The following PUDP variants were observed in gnomAD, a reference collection of about 807,000 sequenced individuals.
The protein encoded by PUDP is pseudouridine 5'-phosphatase.
PUDP carries 8 observed loss-of-function variants against 9.4 expected under a neutral mutation model. That is an observed-to-expected ratio of 0.85 (90% confidence interval 0.50 to 1.53). The LOEUF (loss-of-function observed/expected upper bound fraction) is 1.53. Ranked by LOEUF, PUDP falls within the 40% of genes most tolerant of loss-of-function variation. The pLI, the probability that PUDP is intolerant of heterozygous loss-of-function variation, is 0.00. For synonymous variants in PUDP, 99 were observed against 80.7 expected, an observed-to-expected ratio of 1.23 and a Z score of -1.22; for missense variants, 188 against 189.7, an observed-to-expected ratio of 0.99 and a Z score of 0.05.
intron 3 of PUDP, among the ~76,000 whole-genome samples, chrX:6,941,548 T>C (rs1928400195): frequency 9.1e-6 from 1 of 109,771 alleles, no homozygotes; most frequent in Admixed American, 9.8e-5. Context: ...AGGCTGGTCT[T>C]GAACTCTTCA....
intron 3 of PUDP, among the ~76,000 whole-genome samples, chrX:6,848,123 C>T (rs980174410): frequency 1.8e-5 from 2 of 111,779 alleles, no homozygotes; most frequent in African/African-American, 6.5e-5. Context: ...ACAATTAATC[C>T]TTACCTAGTT....
At chrX:6,976,654 C>T (rs1367426929) in intron 3 of PUDP, among the ~76,000 whole-genome samples, 2 of 111,953 alleles carry the variant, frequency 1.8e-5, no homozygotes, top group Admixed American at 9.5e-5. Flanking sequence ...TCAGTCATCT[C>T]GCCAGCCACC....
At chrX:6,792,663 T>C (rs1205012572) in intron 3 of PUDP, among the ~76,000 whole-genome samples, 1 of 112,046 alleles carries the variant, frequency 8.9e-6, no homozygotes, top group Non-Finnish European at 1.9e-5. Context: ...CAATTATACT[T>C]CTATACAACT....
In PUDP at chrX:7,050,407, G is replaced by A; in HGVS notation, c.576C>T (p.Val192=). The A allele has an allele frequency of 8.3e-7, 1 of 1,211,180 alleles. No homozygotes were observed. The highest frequency in any genetic ancestry group is 1.1e-6 in the Non-Finnish European group (1 of 894,949). The change falls in exon 4 of 4, where the codon GTC becomes GTT. Residue 192 remains valine, a synonymous_variant. Transcript: ENST00000381077. The part of the protein sequence containing the change: ...EAALAAGMQV[V]MVPDGNLSRD... ...GGCTCAAGTTTCCGTCAGGAACCAT[G>A]ACCACCTGCATCCCAGCTGCCAGGG...
chrX:6,889,415 A>T (rs1414103823), intron 3 of PUDP, among the ~76,000 whole-genome samples: 1 of 111,159 alleles, frequency 9.0e-6, no homozygotes, highest in Non-Finnish European at 1.9e-5. Context: ...CCATCCTCCC[A>T]CCTCAGCCTC....
intron 3 of PUDP, among the ~76,000 whole-genome samples, chrX:6,950,329 C>T (rs1384435529): frequency 2.5e-5 from 2 of 78,918 alleles, no homozygotes; most frequent in Admixed American, 1.7e-4. Context: ...CAGAGCAAAG[C>T]TCTGTCTCAA....
rs1930514717 is a variant in PUDP, at chrX:7,065,171, AC to A, written c.510+12048del. ...TGCCCCCAAACCAAAAAAAGAAAAA[AC>A]AAAAAACAAAAAACAAACTCGGGCT... is the stretch of plus-strand genomic sequence containing the variant. On this transcript the variant is annotated intron_variant, in intron 3 of 3. Coordinates refer to ENST00000381077, the MANE Select transcript of PUDP (RefSeq NM_012080.5). 2.7e-5 allele frequency among the ~76,000 whole-genome samples: 3 copies of A among 111,427 alleles called. No homozygotes were observed. In the South Asian group the frequency reaches 1.1e-3, roughly 42 times the overall value.
intron 3 of PUDP, among the ~76,000 whole-genome samples, chrX:6,771,686 C>CG (rs1925366225): frequency 8.9e-6 from 1 of 112,183 alleles, no homozygotes; most frequent in Admixed American, 9.4e-5. Flanking sequence ...TTAAACTCTC[C>CG]GGATCATGAA....
intron 3 of PUDP, among the ~76,000 whole-genome samples, chrX:7,058,010 T>A (rs1420953908): frequency 9.0e-6 from 1 of 111,036 alleles, no homozygotes; most frequent in African/African-American, 3.3e-5. Flanking sequence ...CCGTGGCACT[T>A]GCCCACCATT....
intron 3 of PUDP, among the ~76,000 whole-genome samples, chrX:6,854,586 G>A (rs759750616): frequency 1.3e-4 from 15 of 112,023 alleles, no homozygotes; most frequent in African/African-American, 4.9e-4. Flanking sequence ...TTGACCAGAA[G>A]CCTTACTGAT....
intron 3 of PUDP, among the ~76,000 whole-genome samples, chrX:6,811,434 C>A (rs926025706): frequency 9.0e-6 from 1 of 110,576 alleles, no homozygotes; most frequent in Non-Finnish European, 1.9e-5. Context: ...CATGCCTCAG[C>A]CTCCCCAGTA....
chrX:6,916,191 TACACACACACAC>T (rs747162229), intron 3 of PUDP, among the ~76,000 whole-genome samples: 3,480 of 69,773 alleles, frequency 0.05, 98 homozygotes, highest in African/African-American at 0.072. Flanking sequence ...ATGCTTTTTC[TACACACACACAC>T]ACACACACAC....
intron 1 of PUDP, among the ~76,000 whole-genome samples, chrX:7,146,409 G>A (rs1225107292): frequency 4.5e-5 from 5 of 111,745 alleles, no homozygotes; most frequent in African/African-American, 1.6e-4. Context: ...ACCTTTATTA[G>A]AGGATAAGAA....
At chrX:7,094,318 A>C (rs1931506540) in intron 2 of PUDP, among the ~76,000 whole-genome samples, 1 of 110,036 alleles carries the variant, frequency 9.1e-6, no homozygotes, top group Non-Finnish European at 1.9e-5. Flanking sequence ...TTCAGAAAAG[A>C]GGAATAATGT....
intron 3 of PUDP, among the ~76,000 whole-genome samples, chrX:6,921,043 C>T (rs1295746984): frequency 9.0e-6 from 1 of 110,653 alleles, no homozygotes; most frequent in African/African-American, 3.3e-5. Flanking sequence ...TAGCATATCT[C>T]TCCCACCTCC....
In PUDP at chrX:7,004,607, G is replaced by A. The variant is rs911069818; in HGVS notation, c.205-26264C>T. Among the ~76,000 whole-genome samples the A allele has an allele frequency of 1.5e-3, 173 of 112,183 alleles. 1 individual carries two copies. The highest frequency in any genetic ancestry group is 5.3e-3 in the African/African-American group (163 of 30,833). On this transcript the variant is annotated intron_variant and NMD_transcript_variant, in intron 1 of 3. Transcript: ENST00000655425. ...CTTTTATTCCTTTAAATGACCATAT[G>A]TTTAGATCTGATGTACTGACAGCGA... is the stretch of plus-strand genomic sequence containing the variant.
At chrX:6,906,961 T>G (rs1423592201) in intron 3 of PUDP, among the ~76,000 whole-genome samples, 2 of 111,491 alleles carry the variant, frequency 1.8e-5, no homozygotes, top group Non-Finnish European at 3.8e-5. Flanking sequence ...GCAGTCGGTT[T>G]TGTTGCTGCT....
chrX:6,707,503 G>A (rs1000566245), intron 1 of PUDP, among the ~76,000 whole-genome samples: 13 of 111,695 alleles, frequency 1.2e-4, no homozygotes, highest in African/African-American at 4.2e-4. Context: ...CAAATAGACG[G>A]TCCCATCTGG....
chrX:6,795,401 A>G (rs1280571545), intron 3 of PUDP, among the ~76,000 whole-genome samples: 1 of 111,537 alleles, frequency 9.0e-6, no homozygotes, highest in East Asian at 2.8e-4. Context: ...TACACACAGT[A>G]ATAGCAGTAG....
Sources: allele counts gnomAD v4.1 joint callset (sites outside exome capture counted in the v4.1 genomes callset), GRCh38; gene constraint gnomAD v4.1.1; transcripts MANE v1.5; gene names NCBI Gene and HGNC (gene_info 2026-07-23, HGNC 2026-07-21).